The following HNF4G variants were observed in gnomAD, a reference collection of about 807,000 sequenced individuals.
The protein encoded by HNF4G is hepatocyte nuclear factor 4 gamma.
Under a neutral mutation model 50.9 loss-of-function variants are expected in HNF4G, and 21 were observed. That is an observed-to-expected ratio of 0.41 (90% CI 0.29 to 0.59). The LOEUF (loss-of-function observed/expected upper bound fraction) is 0.59. HNF4G is among the 20% of genes least tolerant of loss of function. The pLI is 0.26. For missense variants in HNF4G, 527 were observed against 559.4 expected (o/e 0.94, Z 0.58); for synonymous variants, 198 against 185.6 (o/e 1.07, Z -0.54).
rs1435639814 is a variant in HNF4G at position 75,558,793 on chromosome 8, T to C, written c.887-8T>C. 1.2e-6 allele frequency: 2 copies of C among 1,611,340 alleles called. No homozygotes were observed. The highest frequency in any genetic ancestry group is 1.7e-6 in the Non-Finnish European group (2 of 1,177,486). On this transcript the variant is annotated splice_polypyrimidine_tract_variant and splice_region_variant and intron_variant, in intron 7 of 9. Transcript: ENST00000396423. ...ATCTGTACACTGCCTCTCTTATTCCTTTGTTAGATGCAAAAGGGCTAAGCG... is the reference window on the plus strand; with the variant it reads ...ATCTGTACACTGCCTCTCTTATTCCCTTGTTAGATGCAAAAGGGCTAAGCG...
At chr8:75,563,025 GT>G (rs1479560749) in intron 9 of HNF4G, among the ~76,000 whole-genome samples, 2 of 152,092 alleles carry the variant, frequency 1.3e-5, no homozygotes, top group Non-Finnish European at 2.9e-5. Flanking sequence ...TAAAGCTAAT[GT>G]ATTAATGAAC....
rs1374644617 is a variant in HNF4G, at chr8:75,543,966, G to T, written c.274G>T (p.Val92Phe). The T allele has an allele frequency of 6.3e-7, 1 of 1,583,578 alleles. No individual in the cohort carries two copies. Among genetic ancestry groups the T allele is most frequent in the Non-Finnish European group, 8.6e-7 (1 of 1,161,916 alleles). ...CAGACGCAGCATTCGTAAGAGTCACGTTTATTCTTGCAGGTACTTTAAATG... is the reference window on the plus strand; with the variant it reads ...CAGACGCAGCATTCGTAAGAGTCACTTTTATTCTTGCAGGTACTTTAAATG... ...FFRRSIRKSH[V>F]YSCRFSRQCV... Residue 92 changes from valine (V) to phenylalanine (F), a missense_variant, in exon 2 of 10, where the codon GTT becomes TTT. Val to Phe is a conservative substitution (Grantham distance 50). This residue lies in a region of HNF4G where 128 missense variants were observed against 135.3 expected (regional missense o/e 0.95). Coordinates refer to ENST00000396423, the MANE Select transcript of HNF4G (RefSeq NM_004133.5).
At chr8:75,458,121 A>C (rs1811763992) in intron 1 of HNF4G, among the ~76,000 whole-genome samples, 1 of 152,138 alleles carries the variant, frequency 6.6e-6, no homozygotes, top group Admixed American at 6.6e-5. Flanking sequence ...TCTTAAGACT[A>C]GCCTGCTCAC....
At chr8:75,520,542 A>G (rs1806012421) in intron 2 of HNF4G, among the ~76,000 whole-genome samples, 1 of 152,060 alleles carries the variant, frequency 6.6e-6, no homozygotes, top group African/African-American at 2.4e-5. Context: ...GGCTCAAGCA[A>G]TATTCCTACC....
chr8:75,564,266 C>G lies in HNF4G; in HGVS notation c.*170C>G. 1 of 619,952 alleles carries G rather than the reference C, an allele frequency of 1.6e-6. No homozygotes were observed. Among genetic ancestry groups the G allele is most frequent in the Non-Finnish European group, 2.7e-6 (1 of 371,966 alleles). The allele number at this position is 619,952 out of a possible 1,614,324, so 38.4% of individuals were successfully genotyped here. ...ACGTTCATTCTGTTTGTTATTGCTA[C>G]TATGTAAAACTTTCACATGCAACCA... On this transcript the variant is annotated 3_prime_UTR_variant, in exon 10 of 10. Transcript: ENST00000396423.
chr8:75,496,812 A>C (rs897916773), intron 2 of HNF4G, among the ~76,000 whole-genome samples: 1 of 151,734 alleles, frequency 6.6e-6, no homozygotes, highest in Non-Finnish European at 1.5e-5. Context: ...TACTATATAT[A>C]TATATATATG....
chr8:75,563,949 G>A (rs1807390768), intron 9 of HNF4G, 26 bp from the exon 10 acceptor site: 1 of 1,612,194 alleles, frequency 6.2e-7, no homozygotes. Flanking sequence ...GCCACCATTA[G>A]ACTCAATTCT....
intron 2 of HNF4G, among the ~76,000 whole-genome samples, chr8:75,496,417 T>C (rs1015522023): frequency 6.6e-6 from 1 of 151,808 alleles, no homozygotes; most frequent in Non-Finnish European, 1.5e-5. Context: ...GCACTGGAGG[T>C]CTTTTTGTTT....
intron 2 of HNF4G, among the ~76,000 whole-genome samples, chr8:75,493,571 A>G (rs1812684394): frequency 6.6e-6 from 1 of 152,168 alleles, no homozygotes; most frequent in Non-Finnish European, 1.5e-5. Context: ...TTATAATGTT[A>G]AGTTTAGTAT....
intron 1 of HNF4G, among the ~76,000 whole-genome samples, chr8:75,471,495 T>A (rs1044444914): frequency 6.6e-6 from 1 of 152,194 alleles, no homozygotes. Context: ...TGTTTCAGTT[T>A]TTTCAAGATG....
Position 75,469,814 on chromosome 8 carries a change from G to A in HNF4G, c.-143-20275G>A, listed in dbSNP as rs181470392. Among the ~76,000 whole-genome samples the A allele has an allele frequency of 3.6e-4, 54 of 152,100 alleles. No homozygotes were observed. The East Asian group carries it at 8.1e-3, about 23-fold the overall frequency. ...GTGAACAAATCCTGTCAGTTTCGAT[G>A]GAGTATTCCTTTCAAGTCCCCTCAG... On this transcript the variant is annotated intron_variant, in intron 1 of 10. Coordinates refer to the HNF4G transcript ENST00000354370.
Position 75,565,825 on chromosome 8 carries a change from G to A in HNF4G, c.*1729G>A, listed in dbSNP as rs971989212. The A allele has an allele frequency of 6.6e-6, 1 of 152,020 alleles. No homozygotes were observed. Among genetic ancestry groups the A allele is most frequent in the Non-Finnish European group, 1.5e-5 (1 of 68,016 alleles). The allele number at this position is 152,020 out of a possible 1,614,324, so 9.4% of individuals were successfully genotyped here. A position where few individuals can be genotyped will look rare whatever the true frequency, so the allele number is the denominator to read the frequency against. ...TAAAGTAAAATTGAACTTATTAAAA[G>A]CTATCTATGATTTAATAGATTTAAT... On this transcript the variant is annotated 3_prime_UTR_variant, in exon 10 of 10. Coordinates refer to ENST00000396423, the MANE Select transcript of HNF4G (RefSeq NM_004133.5).
chr8:75,475,097 C>T (rs749530818), intron 1 of HNF4G, among the ~76,000 whole-genome samples: 2 of 150,340 alleles, frequency 1.3e-5, no homozygotes, highest in Non-Finnish European at 3.0e-5. Context: ...CCAACCTCTG[C>T]CTCCCGGGTT....
chr8:75,540,170 T>A (rs1806575292), intron 1 of HNF4G, 90 bp downstream of exon 1: 4 of 703,576 alleles, frequency 5.7e-6, no homozygotes, highest in Non-Finnish European at 9.8e-6. Flanking sequence ...TGGCTCAATG[T>A]TTTTTTTGCT....
At chr8:75,421,313 C>T (rs1242894855) in intron 1 of HNF4G, among the ~76,000 whole-genome samples, 1 of 152,088 alleles carries the variant, frequency 6.6e-6, no homozygotes, top group Non-Finnish European at 1.5e-5. Flanking sequence ...GTTGGTCAGT[C>T]CAGGTCTAAG....
chr8:75,538,371 A>G (rs1416470030), upstream of HNF4G, among the ~76,000 whole-genome samples: 3 of 152,198 alleles, frequency 2.0e-5, no homozygotes, highest in Non-Finnish European at 4.4e-5. Context: ...CCTGAGCTAC[A>G]GCCACATTTC....
At chr8:75,473,596 T>C (rs912448597) in intron 1 of HNF4G, among the ~76,000 whole-genome samples, 8 of 152,212 alleles carry the variant, frequency 5.3e-5, no homozygotes, top group African/African-American at 1.9e-4. Flanking sequence ...AGAATCCATT[T>C]GGCTCTTTAG....
At chr8:75,418,829 G>A (rs1036878064) in intron 1 of HNF4G, among the ~76,000 whole-genome samples, 3 of 148,684 alleles carry the variant, frequency 2.0e-5, no homozygotes, top group Non-Finnish European at 4.4e-5. Context: ...CCGGGTTCAA[G>A]CGATTTTCCT....
chr8:75,408,211 C>G (rs1391501730), intron 1 of HNF4G: 2 of 152,156 alleles, frequency 1.3e-5, no homozygotes, highest in Non-Finnish European at 2.9e-5. Context: ...GGTGCCAGTC[C>G]TCTACCTTAG....
Sources: allele counts gnomAD v4.1 joint callset (sites outside exome capture counted in the v4.1 genomes callset), GRCh38; gene constraint gnomAD v4.1.1; regional missense constraint gnomAD v4.1.1; transcripts MANE v1.5; gene names NCBI Gene and HGNC (gene_info 2026-07-23, HGNC 2026-07-21).